PREX2: variants seen among roughly 807,000 people sequenced by gnomAD.
PREX2 encodes phosphatidylinositol 3,4,5-trisphosphate-dependent Rac exchanger 2 protein.
PREX2 carries 107 observed loss-of-function variants against 203.2 expected under a neutral mutation model. The ratio of observed to expected loss-of-function variants is 0.53; its 90% CI spans 0.45 to 0.62. PREX2 has a LOEUF of 0.62. Ranked by LOEUF, PREX2 falls within the 20% of genes least tolerant of loss-of-function variation. The probability of loss-of-function intolerance (pLI) is 0.00; values close to 1 mark genes in which losing one functional copy is unlikely to be tolerated. For missense variants in PREX2, 1,777 were observed against 1,955.9 expected (o/e 0.91, Z 1.72); for synonymous variants, 672 against 663.6 (o/e 1.01, Z -0.19).
chr8:68,166,804 A>AT lies in PREX2; in HGVS notation c.4346+9378dup, dbSNP rs111297558. Among the ~76,000 whole-genome samples, 533 of 149,214 alleles carry AT rather than the reference A, an allele frequency of 3.6e-3. 2 individuals carry two copies. The highest frequency in any genetic ancestry group is 0.012 in the African/African-American group (491 of 40,766). The stretch of plus-strand genomic sequence containing the variant: ...GCAAATAGAGAGACCCTGTCTCTAC[A>AT]TTTTTTTTTTAATAGCCAGGTGTGA... On this transcript the variant is annotated intron_variant, in intron 35 of 39. Coordinates refer to ENST00000288368, the MANE Select transcript of PREX2 (RefSeq NM_024870.4).
intron 19 of PREX2, among the ~76,000 whole-genome samples, chr8:68,088,324 T>A (rs1245196149): frequency 1.3e-5 from 2 of 152,288 alleles, no homozygotes; most frequent in East Asian, 1.9e-4. Flanking sequence ...ATTATTGACA[T>A]CTCTTCTTAT....
rs143311111 is a variant in PREX2, at chr8:68,135,358, T to C, written c.3984+1082T>C. 1.1e-3 allele frequency among the ~76,000 whole-genome samples: 162 copies of C among 152,228 alleles called. 4 individuals carry two copies. Among genetic ancestry groups the C allele is most frequent in the Admixed American group, 7.5e-3 (114 of 15,280 alleles). On this transcript the variant is annotated intron_variant, in intron 32 of 39. Transcript: ENST00000288368. ...TTTGATGAGTGACATATGCAGAATA[T>C]ATAAAGAACCCTTAAAATTCAACAG...
rs565195590 is a variant in PREX2 at position 68,134,061 on chromosome 8, A to G, written c.3769A>G (p.Ser1257Gly). The change falls in exon 32 of 40, where the codon AGT becomes GGT. Residue 1257 changes from serine to glycine, a missense_variant and splice_region_variant. Transcript: ENST00000288368. ...LLLALLEYSD[S>G]ETQLRRDMVF... is the part of the protein sequence containing the mutation. ...CTCTATGTTCTCTTTGATCACAGAT[A>G]GTGAGACACAGCTCCGTAGAGACAT... 1.3e-5 allele frequency: 21 copies of G among 1,613,092 alleles called. No individual in the cohort carries two copies. The highest frequency in any genetic ancestry group is 1.8e-5 in the Non-Finnish European group (21 of 1,179,188).
chr8:68,019,666 C>T lies in PREX2; in HGVS notation c.331C>T (p.His111Tyr). The change falls in exon 3 of 40, where the codon CAC becomes TAC. Residue 111 changes from histidine (H) to tyrosine (Y), a missense_variant. By Grantham distance (83) the His-to-Tyr change is moderately conservative. Coordinates refer to ENST00000288368, the MANE Select transcript of PREX2 (RefSeq NM_024870.4). ...AQQEVGTCFL[H>Y]FKDKFRIYDE... is the part of the protein sequence containing the mutation. ...ACAAGAAGTGGGAACCTGCTTTCTT[C>T]ACTTTGTAGGATAAATTTCTTTTTA... The T allele has an allele frequency of 6.2e-7, 1 of 1,601,280 alleles. No individual in the cohort carries two copies. The highest frequency in any genetic ancestry group is 8.5e-7 in the Non-Finnish European group (1 of 1,176,946).
intron 1 of PREX2, among the ~76,000 whole-genome samples, chr8:67,990,790 C>A (rs997856475): frequency 2.0e-5 from 3 of 151,846 alleles, no homozygotes; most frequent in Non-Finnish European, 4.4e-5. Flanking sequence ...TGATTACAGG[C>A]GTGAGCCACC....
intron 2 of PREX2, among the ~76,000 whole-genome samples, chr8:68,018,719 A>C (rs1807479860): frequency 6.6e-6 from 1 of 152,066 alleles, no homozygotes; most frequent in African/African-American, 2.4e-5. Context: ...AAAACTGTGA[A>C]CAGTCTTGAA....
Position 67,952,335 on chromosome 8 carries a change from G to T in PREX2, c.-60G>T. ...TCGCCGCCGGGGGCCGGGCAGCAGC[G>T]GGCGCGCGGGTCAGCGCTCAGCACG... On this transcript the variant is annotated 5_prime_UTR_variant, in exon 1 of 40. Transcript: ENST00000288368. 1.5e-6 allele frequency: 2 copies of T among 1,328,474 alleles called. No individual in the cohort carries two copies. Among genetic ancestry groups the T allele is most frequent in the South Asian group, 2.3e-5 (1 of 43,592 alleles). 82.3% of individuals were successfully genotyped at this position (1,328,474 alleles called of 1,614,324 possible).
intron 33 of PREX2, among the ~76,000 whole-genome samples, chr8:68,144,326 A>G (rs905620415): frequency 6.6e-6 from 1 of 152,184 alleles, no homozygotes; most frequent in Non-Finnish European, 1.5e-5. Flanking sequence ...CCATGAACAT[A>G]AAATGTCTTT....
intron 34 of PREX2, among the ~76,000 whole-genome samples, chr8:68,153,650 T>A (rs1319096510): frequency 6.6e-6 from 1 of 152,210 alleles, no homozygotes; most frequent in Non-Finnish European, 1.5e-5. Flanking sequence ...CTGGGTTTTT[T>A]ATAACAATAA....
chr8:68,225,518 C>A (rs1268277574), intron 39 of PREX2, among the ~76,000 whole-genome samples: 2 of 152,160 alleles, frequency 1.3e-5, no homozygotes, highest in Non-Finnish European at 2.9e-5. Context: ...CCAAACACTG[C>A]CACAGACAAA....
intron 35 of PREX2, among the ~76,000 whole-genome samples, chr8:68,185,178 C>T (rs1441704775): frequency 6.6e-6 from 1 of 152,124 alleles, no homozygotes; most frequent in African/African-American, 2.4e-5. Flanking sequence ...TATTTCCTCT[C>T]GTTCATCCTT....
intron 37 of PREX2, among the ~76,000 whole-genome samples, chr8:68,217,313 A>G (rs1812862974): frequency 6.6e-6 from 1 of 152,220 alleles, no homozygotes; most frequent in African/African-American, 2.4e-5. Context: ...AATATCATTA[A>G]AGAATAATAT....
At chr8:67,970,942 A>G (rs1805908510) in intron 1 of PREX2, among the ~76,000 whole-genome samples, 1 of 152,286 alleles carries the variant, frequency 6.6e-6, no homozygotes, top group African/African-American at 2.4e-5. Flanking sequence ...CAAAGAGTAA[A>G]TGCCTGAGGC....
intron 39 of PREX2, among the ~76,000 whole-genome samples, chr8:68,226,224 A>C (rs1813054315): frequency 1.3e-5 from 2 of 152,204 alleles, no homozygotes; most frequent in Non-Finnish European, 2.9e-5. Flanking sequence ...AGAAAGGCAA[A>C]GCACTCTGCT....
intron 1 of PREX2, among the ~76,000 whole-genome samples, chr8:68,006,631 C>G (rs1056477793): frequency 6.6e-6 from 1 of 152,142 alleles, no homozygotes; most frequent in African/African-American, 2.4e-5. Flanking sequence ...CAATATTGGA[C>G]CTAGTTCAGA....
At position 68,121,150 on chromosome 8, in the gene PREX2, GT is replaced by G. The variant is rs1246483944; in HGVS notation, c.3724+104del. On this transcript the variant is annotated intron_variant, in intron 30 of 39. Coordinates refer to ENST00000288368, the MANE Select transcript of PREX2 (RefSeq NM_024870.4). Reference sequence around the variant, plus strand: ...GTAATGCCTGATTATTTTTTGCAGTGTTTCCTTTTGTGAAGAAAATAAAAGT... The same window carrying G: ...GTAATGCCTGATTATTTTTTGCAGTGTTCCTTTTGTGAAGAAAATAAAAGT... The G allele has an allele frequency of 5.8e-6, 7 of 1,215,346 alleles. No individual in the cohort carries two copies. In the African/African-American group the frequency reaches 1.1e-4, roughly 19 times the overall value. 75.3% of individuals were successfully genotyped at this position (1,215,346 alleles called of 1,614,324 possible).
chr8:67,983,923 T>C (rs1806339944), intron 1 of PREX2, among the ~76,000 whole-genome samples: 1 of 152,196 alleles, frequency 6.6e-6, no homozygotes, highest in African/African-American at 2.4e-5. Context: ...AAGATTGAGG[T>C]GATACCTGTA....
rs1810724797 is a variant in PREX2, at chr8:68,119,516, T to C, written c.3504+2T>C. On this transcript the variant is annotated splice_donor_variant, in intron 28 of 39. Coordinates refer to ENST00000288368, the MANE Select transcript of PREX2 (RefSeq NM_024870.4). LOFTEE classifies it high-confidence loss of function. ...TGCCTTGAGCATCTTTTCAGCCAGG[T>C]ACAATCGGGCATTTGTGGGGCTTTT... The C allele has an allele frequency of 1.2e-6, 2 of 1,610,236 alleles. No individual in the cohort carries two copies. The highest frequency in any genetic ancestry group is 1.7e-6 in the Non-Finnish European group (2 of 1,176,632).
At chr8:68,195,830 G>C (rs1260159298) in intron 37 of PREX2, among the ~76,000 whole-genome samples, 2 of 152,288 alleles carry the variant, frequency 1.3e-5, no homozygotes, top group Non-Finnish European at 2.9e-5. Context: ...GATTTCACTG[G>C]ACAGAAATAG....
Sources: allele counts gnomAD v4.1 joint callset (sites outside exome capture counted in the v4.1 genomes callset), GRCh38; gene constraint gnomAD v4.1.1; transcripts MANE v1.5; gene names NCBI Gene and HGNC (gene_info 2026-07-23, HGNC 2026-07-21).